The following SYNRG variants were observed in gnomAD, a reference collection of about 807,000 sequenced individuals.
SYNRG encodes AP1 gamma subunit binding protein 1.
In SYNRG, 37 loss-of-function variants were observed where a neutral mutation model predicts 130.9. The observed-to-expected ratio is 0.28, with a 90% CI of 0.22 to 0.37. The LOEUF (loss-of-function observed/expected upper bound fraction) is 0.37. SYNRG is among the 10% of genes least tolerant of loss of function. The probability of loss-of-function intolerance (pLI) is 1.00; values close to 1 mark genes in which losing one functional copy is unlikely to be tolerated. For synonymous variants in SYNRG, 539 were observed against 568.1 expected (o/e 0.95, Z 0.73); for missense variants, 1,338 against 1,588.9 (o/e 0.84, Z 2.68).
chr17:37,529,725 C>T (rs1431716325), intron 19 of SYNRG: 3 of 1,500,324 alleles, frequency 2.0e-6, no homozygotes, highest in Non-Finnish European at 2.7e-6. Flanking sequence ...GGAATCTCCC[C>T]ACTTATCCTT....
Position 37,561,499 on chromosome 17 carries a change from C to T in SYNRG, c.1572G>A (p.Lys524=). The change falls in exon 12 of 22, where the codon AAG becomes AAA. Residue 524 remains lysine (K), a synonymous_variant. Transcript: ENST00000612223. ...YAVFKGIAAD[K]SSENTVPPGD... The stretch of plus-strand genomic sequence containing the variant: ...CAGGTGGAACAGTATTTTCAGAGGA[C>T]TTGTCAGCTGCAATTCCTTTAAACA... The T allele has an allele frequency of 6.2e-7, 1 of 1,613,772 alleles. No homozygotes were observed. The highest frequency in any genetic ancestry group is 8.5e-7 in the Non-Finnish European group (1 of 1,179,712).
intron 3 of SYNRG, 38 bp downstream of exon 3, chr17:37,596,185 C>A (rs767874512): frequency 3.7e-6 from 6 of 1,607,032 alleles, no homozygotes; most frequent in Non-Finnish European, 3.4e-6. Context: ...TAACAACAAA[C>A]AATAACTTTG....
intron 4 of SYNRG, 82 bp downstream of exon 4, chr17:37,586,337 C>G: frequency 1.9e-6 from 3 of 1,558,074 alleles, no homozygotes; most frequent in Non-Finnish European, 1.7e-6. Flanking sequence ...AGTTTCAAAT[C>G]TGCACTAGAG....
intron 6 of SYNRG, among the ~76,000 whole-genome samples, chr17:37,583,820 G>A (rs2061504313): frequency 2.6e-5 from 4 of 152,042 alleles, no homozygotes; most frequent in Admixed American, 6.6e-5. Flanking sequence ...TCAGCTTCCC[G>A]AGTAGCTGGG....
intron 18 of SYNRG, among the ~76,000 whole-genome samples, chr17:37,538,013 T>C (rs192152378): frequency 3.3e-5 from 5 of 152,342 alleles, no homozygotes; most frequent in South Asian, 2.1e-4. Context: ...TGGTAAGGAA[T>C]TGATGGGAGA....
rs2054551591 is a variant in SYNRG at position 37,517,935 on chromosome 17, AT to A, written c.*1004del. On this transcript the variant is annotated 3_prime_UTR_variant, in exon 22 of 22. Transcript: ENST00000612223. ...TAAAATTCAGTACTGTTTCTGGACA[AT>A]TTTCTTCTACTTCTTCTAAGTCATG... is the stretch of plus-strand genomic sequence containing the variant. 1 of 152,098 alleles carries A rather than the reference AT, an allele frequency of 6.6e-6. No individual in the cohort carries two copies. The highest frequency in any genetic ancestry group is 1.5e-5 in the Non-Finnish European group (1 of 68,012). The allele number at this position is 152,098 out of a possible 1,614,324, so 9.4% of individuals were successfully genotyped here.
intron 6 of SYNRG, among the ~76,000 whole-genome samples, chr17:37,580,813 G>T (rs754010332): frequency 2.0e-5 from 3 of 151,938 alleles, no homozygotes; most frequent in Non-Finnish European, 4.4e-5. Flanking sequence ...GATTACAGGT[G>T]TGAGTCCCCA....
intron 13 of SYNRG, among the ~76,000 whole-genome samples, chr17:37,554,990 A>G (rs1434101383): frequency 6.6e-6 from 1 of 152,148 alleles, no homozygotes; most frequent in African/African-American, 2.4e-5. Flanking sequence ...CCCATGACAC[A>G]GCTCTCAAGA....
In SYNRG at chr17:37,517,352, G is replaced by A. The variant is rs1407318938; in HGVS notation, c.*1588C>T. On this transcript the variant is annotated 3_prime_UTR_variant, in exon 22 of 22. Coordinates refer to ENST00000612223, the MANE Select transcript of SYNRG (RefSeq NM_007247.6). ...AAAAGCTGTCCCACTTGTGTTGTTA[G>A]AAACACCCCACTAGCCTTGTGGTGG... The A allele has an allele frequency of 1.3e-5, 2 of 152,212 alleles. No homozygotes were observed. The highest frequency in any genetic ancestry group is 2.9e-5 in the Non-Finnish European group (2 of 68,102). 9.4% of individuals were successfully genotyped at this position (152,212 alleles called of 1,614,324 possible). A position where few individuals can be genotyped will look rare whatever the true frequency, so the allele number is the denominator to read the frequency against.
chr17:37,529,700 C>G, intron 19 of SYNRG: 1 of 1,348,516 alleles, frequency 7.4e-7, no homozygotes, highest in Non-Finnish European at 1.0e-6. Flanking sequence ...GAAGTAAACG[C>G]ACAGCAGCAA....
intron 18 of SYNRG, among the ~76,000 whole-genome samples, chr17:37,538,049 G>A (rs956958232): frequency 1.3e-5 from 2 of 152,160 alleles, no homozygotes; most frequent in South Asian, 2.1e-4. Flanking sequence ...TTAGTGCATC[G>A]GTAGTTCAGA....
At chr17:37,570,511 G>A in intron 10 of SYNRG, 126 bp downstream of exon 10, 1 of 1,291,656 alleles carries the variant, frequency 7.7e-7, no homozygotes, top group African/African-American at 1.5e-5. Context: ...TTTTCTGAAA[G>A]ATACAACCTA....
intron 11 of SYNRG, among the ~76,000 whole-genome samples, chr17:37,564,154 G>A (rs1022405279): frequency 6.6e-6 from 1 of 151,816 alleles, no homozygotes; most frequent in Non-Finnish European, 1.5e-5. Context: ...GCCAACCCTG[G>A]CCCCCTTGTT....
At chr17:37,521,305 CA>C (rs1483851777) in intron 19 of SYNRG, among the ~76,000 whole-genome samples, 1 of 152,120 alleles carries the variant, frequency 6.6e-6, no homozygotes, top group Non-Finnish European at 1.5e-5. Context: ...GGTGGGATTA[CA>C]GGCATAAGCC....
At chr17:37,520,385 G>A (rs2054849490) in intron 20 of SYNRG, among the ~76,000 whole-genome samples, 153 bp downstream of exon 20, 1 of 152,108 alleles carries the variant, frequency 6.6e-6, no homozygotes, top group Non-Finnish European at 1.5e-5. Context: ...CTGCCCTCTC[G>A]AGGGAATGTG....
intron 13 of SYNRG, among the ~76,000 whole-genome samples, chr17:37,558,771 G>T (rs2059304539): frequency 6.6e-6 from 1 of 152,192 alleles, no homozygotes; most frequent in African/African-American, 2.4e-5. Context: ...CTTGACGTCT[G>T]TATCCTTGAA....
At chr17:37,586,759 C>T (rs2061724357) in intron 3 of SYNRG, among the ~76,000 whole-genome samples, 1 of 152,098 alleles carries the variant, frequency 6.6e-6, no homozygotes, top group South Asian at 2.1e-4. Context: ...ATGGAAGGCT[C>T]CCCTTAATAT....
intron 14 of SYNRG, 94 bp downstream of exon 14, chr17:37,553,021 A>C (rs191925787): frequency 7.7e-5 from 90 of 1,166,350 alleles, no homozygotes; most frequent in Admixed American, 5.1e-4. Context: ...CATAAAGCTA[A>C]AGGGCCAGAG....
At chr17:37,568,623 G>A (rs1289688084) in intron 11 of SYNRG, 168 bp downstream of exon 11, 4 of 658,622 alleles carry the variant, frequency 6.1e-6, no homozygotes, top group African/African-American at 1.8e-5. Context: ...GATGGACAAA[G>A]GGGAGAGAAG....
Sources: allele counts gnomAD v4.1 joint callset (sites outside exome capture counted in the v4.1 genomes callset), GRCh38; gene constraint gnomAD v4.1.1; transcripts MANE v1.5; gene names NCBI Gene and HGNC (gene_info 2026-07-23, HGNC 2026-07-21).